The following MIPOL1 variants were observed in gnomAD, a reference collection of about 807,000 sequenced individuals.
MIPOL1 encodes the protein mirror-image polydactyly gene 1 protein.
In MIPOL1, 57 loss-of-function variants were observed where a neutral mutation model predicts 60.9. The observed-to-expected ratio is 0.94, with a 90% CI of 0.76 to 1.17. MIPOL1 has a LOEUF of 1.17. Ranked by LOEUF, MIPOL1 falls within the 50% of genes most tolerant of loss-of-function variation. The pLI is 0.00. For synonymous variants in MIPOL1, 179 were observed against 168.8 expected, an observed-to-expected ratio of 1.06 and a Z score of -0.47; for missense variants, 551 against 511.6, an observed-to-expected ratio of 1.08 and a Z score of -0.74.
chr14:37,458,328 A>C (rs2094499889), intron 11 of MIPOL1, among the ~76,000 whole-genome samples: 2 of 152,196 alleles, frequency 1.3e-5, no homozygotes, highest in African/African-American at 4.8e-5. Flanking sequence ...ACTAATAGAC[A>C]TTCTCAGAAC....
chr14:37,492,183 T>C (rs1036044563), intron 11 of MIPOL1, among the ~76,000 whole-genome samples: 10 of 152,222 alleles, frequency 6.6e-5, no homozygotes, highest in African/African-American at 2.4e-4. Context: ...TTAATTGATG[T>C]AGTAAACCAG....
chr14:37,249,130 AATG>A (rs1394318782), intron 3 of MIPOL1, among the ~76,000 whole-genome samples: 1 of 152,166 alleles, frequency 6.6e-6, no homozygotes, highest in Admixed American at 6.6e-5. Flanking sequence ...ATCCTTGGGA[AATG>A]ATTCTTTCTG....
chr14:37,416,271 A>G (rs2093767254), intron 10 of MIPOL1, among the ~76,000 whole-genome samples: 2 of 152,206 alleles, frequency 1.3e-5, no homozygotes, highest in South Asian at 4.1e-4. Flanking sequence ...TTGAAATCCT[A>G]TGACATACAG....
intron 10 of MIPOL1, among the ~76,000 whole-genome samples, chr14:37,404,514 T>C (rs1170892506): frequency 1.3e-5 from 2 of 152,198 alleles, no homozygotes; most frequent in Non-Finnish European, 2.9e-5. Flanking sequence ...ATTTGAAATA[T>C]GATAAATAAA....
chr14:37,225,321 G>T (rs1337724847), intron 1 of MIPOL1, among the ~76,000 whole-genome samples: 1 of 152,156 alleles, frequency 6.6e-6, no homozygotes, highest in African/African-American at 2.4e-5. Context: ...CTTCTGCACT[G>T]CCCTAGCAGA....
intron 11 of MIPOL1, among the ~76,000 whole-genome samples, chr14:37,463,480 A>G (rs1407252056): frequency 1.3e-5 from 2 of 152,206 alleles, no homozygotes; most frequent in African/African-American, 4.8e-5. Flanking sequence ...CTGATCTTTG[A>G]CGGAGTTGAT....
chr14:37,500,000 A>G lies in MIPOL1; in HGVS notation c.1124A>G (p.Asn375Ser), dbSNP rs957089482. Residue 375 changes from asparagine (N) to serine (S), a missense_variant, in exon 12 of 13, where the codon AAC becomes AGC. Coordinates refer to ENST00000684589, the MANE Select transcript of MIPOL1 (RefSeq NM_001388067.1). ...GAAGAAGCTTTAAAAAACAGAGAGA[A>G]CATTGTTTCCATCACTCAACAACAA... ...TYEEALKNRE[N>S]IVSITQQQNE... is the part of the protein sequence containing the mutation. 6.2e-6 allele frequency: 10 copies of G among 1,613,592 alleles called. No homozygotes were observed. Among genetic ancestry groups the G allele is most frequent in the African/African-American group, 1.3e-5 (1 of 75,042 alleles).
Position 37,347,719 on chromosome 14 carries a change from A to G in MIPOL1, c.829-21798A>G, listed in dbSNP as rs184529150. 1.7e-4 allele frequency among the ~76,000 whole-genome samples: 26 copies of G among 152,312 alleles called. No individual in the cohort carries two copies. In the East Asian group the frequency reaches 5.0e-3, roughly 29 times the overall value. On this transcript the variant is annotated intron_variant, in intron 9 of 12. Coordinates refer to ENST00000684589, the MANE Select transcript of MIPOL1 (RefSeq NM_001388067.1). ...AAACATATCAACCTACAAAGGAATT[A>G]CTGTGAAACTCATAGTGACTTTATG...
At chr14:37,239,533 AG>A (rs1460461889) in intron 1 of MIPOL1, among the ~76,000 whole-genome samples, 1 of 152,190 alleles carries the variant, frequency 6.6e-6, no homozygotes, top group Non-Finnish European at 1.5e-5. Flanking sequence ...GGTAAAAAAA[AG>A]AGTACAACAC....
At chr14:37,389,628 G>A (rs960632776) in intron 10 of MIPOL1, among the ~76,000 whole-genome samples, 1 of 150,326 alleles carries the variant, frequency 6.7e-6, no homozygotes, top group Non-Finnish European at 1.5e-5. Flanking sequence ...AACAGTTGAA[G>A]TGAAGAACCT....
Position 37,251,553 on chromosome 14 carries a change from G to GA in MIPOL1, c.19+3657dup, listed in dbSNP as rs760782391. Among the ~76,000 whole-genome samples the GA allele has an allele frequency of 3.4e-3, 470 of 137,706 alleles. 2 individuals are homozygous for GA. Among genetic ancestry groups the GA allele is most frequent in the African/African-American group, 1.0e-2 (378 of 37,864 alleles). 90.3% of individuals were successfully genotyped at this position (137,706 alleles called of 152,430 possible). ...AACTTCTATTTAAGGGTTCTCTTTT[G>GA]AAAAAAAAAAAGGAAAAAATGAAAT... On this transcript the variant is annotated intron_variant, in intron 3 of 12. Transcript: ENST00000684589.
chr14:37,548,461 C>T lies in MIPOL1; in HGVS notation c.*1490C>T, dbSNP rs2095553672. ...AGGGACAACAGGGGTTAAAAATAAACTGATTTAATTTGCTCTATAGTCCTA... is the reference window on the plus strand; with the variant it reads ...AGGGACAACAGGGGTTAAAAATAAATTGATTTAATTTGCTCTATAGTCCTA... On this transcript the variant is annotated 3_prime_UTR_variant, in exon 13 of 13. Transcript: ENST00000684589. The T allele has an allele frequency of 6.6e-6, 1 of 151,982 alleles. No homozygotes were observed. The highest frequency in any genetic ancestry group is 6.6e-5 in the Admixed American group (1 of 15,262). The allele number at this position is 151,982 out of a possible 1,614,324, so 9.4% of individuals were successfully genotyped here.
intron 10 of MIPOL1, among the ~76,000 whole-genome samples, chr14:37,404,016 A>G (rs1224667366): frequency 6.6e-6 from 1 of 152,202 alleles, no homozygotes; most frequent in Non-Finnish European, 1.5e-5. Context: ...ATTTCTTGTT[A>G]GTAAAAATTT....
chr14:37,513,998 C>A (rs527506022), intron 12 of MIPOL1, among the ~76,000 whole-genome samples: 1 of 152,108 alleles, frequency 6.6e-6, no homozygotes, highest in South Asian at 2.1e-4. Flanking sequence ...AAGTAAAAGA[C>A]CAGAATTTTT....
chr14:37,410,680 T>C (rs1421951721), intron 10 of MIPOL1, among the ~76,000 whole-genome samples: 1 of 152,120 alleles, frequency 6.6e-6, no homozygotes, highest in Non-Finnish European at 1.5e-5. Context: ...ATTTTAAAAA[T>C]AGCAAATAAA....
rs113551344 is a variant in MIPOL1, at chr14:37,481,283, C to G, written c.1032-18625C>G. Among the ~76,000 whole-genome samples the G allele has an allele frequency of 3.6e-3, 553 of 152,092 alleles. 5 individuals carry two copies. Among genetic ancestry groups the G allele is most frequent in the African/African-American group, 0.012 (488 of 41,480 alleles). On this transcript the variant is annotated intron_variant, in intron 11 of 12. Coordinates refer to ENST00000684589, the MANE Select transcript of MIPOL1 (RefSeq NM_001388067.1). Reference sequence around the variant, plus strand: ...CAATCCCATTTGCAATAGCTACCCCCTAAAAAAATTAAACCTTGGGAATAA... The same window carrying G: ...CAATCCCATTTGCAATAGCTACCCCGTAAAAAAATTAAACCTTGGGAATAA...
At chr14:37,214,864 A>AG (rs1428163369) in intron 1 of MIPOL1, among the ~76,000 whole-genome samples, 1 of 152,072 alleles carries the variant, frequency 6.6e-6, no homozygotes, top group Non-Finnish European at 1.5e-5. Context: ...GCTACTTAGC[A>AG]GACTGGGAAA....
intron 11 of MIPOL1, among the ~76,000 whole-genome samples, chr14:37,442,340 T>C (rs1471635007): frequency 6.6e-6 from 1 of 152,130 alleles, no homozygotes; most frequent in African/African-American, 2.4e-5. Context: ...GACTTCTTCT[T>C]TTCCTATTAA....
intron 11 of MIPOL1, among the ~76,000 whole-genome samples, chr14:37,481,703 G>A (rs1416152827): frequency 4.0e-5 from 6 of 151,580 alleles, no homozygotes; most frequent in African/African-American, 1.2e-4. Flanking sequence ...CAGAGCTGTA[G>A]CAATTAAAAC....
Sources: allele counts gnomAD v4.1 joint callset (sites outside exome capture counted in the v4.1 genomes callset), GRCh38; gene constraint gnomAD v4.1.1; transcripts MANE v1.5; gene names NCBI Gene and HGNC (gene_info 2026-07-23, HGNC 2026-07-21).